The following DNAH14 variants were observed in gnomAD, a reference collection of about 807,000 sequenced individuals.
DNAH14 encodes axonemal beta dynein heavy chain 14.
DNAH14 carries 478 observed loss-of-function variants against 520.9 expected under a neutral mutation model. That is an observed-to-expected ratio of 0.92 (90% CI 0.85 to 0.99). The LOEUF is 0.99. DNAH14 is among the 50% of genes least tolerant of loss of function. The pLI is 0.00. For synonymous variants in DNAH14, 1,581 were observed against 1,757.2 expected (o/e 0.90, Z 2.51); for missense variants, 4,831 against 5,234.5 (o/e 0.92, Z 2.38).
intron 9 of DNAH14, among the ~76,000 whole-genome samples, chr1:225,006,153 C>G (rs1385752315): frequency 6.6e-6 from 1 of 152,148 alleles, no homozygotes; most frequent in South Asian, 2.1e-4. Flanking sequence ...CTTCCCTAAT[C>G]AATACTCTTA....
intron 7 of DNAH14, 108 bp from the exon 8 acceptor site, chr1:224,973,983 G>A: frequency 1.6e-6 from 1 of 618,390 alleles, no homozygotes; most frequent in Non-Finnish European, 2.4e-6. Context: ...CAGGATGAAT[G>A]AAATATGTTC....
chr1:224,976,008 T>A (rs576130060), intron 8 of DNAH14, among the ~76,000 whole-genome samples: 4 of 151,992 alleles, frequency 2.6e-5, no homozygotes, highest in Non-Finnish European at 5.9e-5. Flanking sequence ...AGGAGCAGGT[T>A]GTTCAGTTTC....
At chr1:224,991,086 T>C (rs1233767126) in intron 8 of DNAH14, among the ~76,000 whole-genome samples, 3 of 85,674 alleles carry the variant, frequency 3.5e-5, no homozygotes, top group Non-Finnish European at 5.9e-5. Flanking sequence ...ATGTTGAGCT[T>C]TTTTTTTTTT....
intron 10 of DNAH14, among the ~76,000 whole-genome samples, chr1:225,008,359 A>G (rs930859824): frequency 6.6e-6 from 1 of 152,068 alleles, no homozygotes; most frequent in Non-Finnish European, 1.5e-5. Context: ...AGTATTTGCT[A>G]TTGTGAATAG....
At chr1:225,080,059 T>G (rs1349235272) in intron 18 of DNAH14, among the ~76,000 whole-genome samples, 2 of 152,146 alleles carry the variant, frequency 1.3e-5, no homozygotes, top group African/African-American at 2.4e-5. Context: ...ATTTCTATTT[T>G]CACTAATTTC....
At chr1:225,240,140 T>A (rs1403887297) in intron 42 of DNAH14, among the ~76,000 whole-genome samples, 2 of 152,078 alleles carry the variant, frequency 1.3e-5, no homozygotes, top group Non-Finnish European at 2.9e-5. Flanking sequence ...CCACATAAAA[T>A]TAAGAATTAT....
At chr1:225,199,993 A>G (rs10915796) in intron 38 of DNAH14, among the ~76,000 whole-genome samples, 23,411 of 151,034 alleles carry the variant, frequency 0.16, 2,108 homozygotes, top group East Asian at 0.36. Flanking sequence ...ATTTGTAATC[A>G]TTTTATAAAT....
intron 30 of DNAH14, 42 bp from the exon 31 acceptor site, chr1:225,147,061 AT>A (rs2080015559): frequency 7.0e-7 from 1 of 1,424,696 alleles, no homozygotes; most frequent in Non-Finnish European, 9.4e-7. Context: ...TTTTCTCACC[AT>A]TATAATAATT....
In DNAH14 at chr1:225,229,728, T is replaced by C. The variant is rs148411585; in HGVS notation, c.6440-1345T>C. On this transcript the variant is annotated intron_variant, in intron 41 of 85. Transcript: ENST00000682510. The stretch of plus-strand genomic sequence containing the variant: ...GCTGGAGTTGAACAATGAGAACATA[T>C]GGGCACAAGGGGGGAACATCATACA... Among the ~76,000 whole-genome samples, 751 of 149,770 alleles carry C rather than the reference T, an allele frequency of 5.0e-3. 4 individuals are homozygous for C. The highest frequency in any genetic ancestry group is 0.017 in the African/African-American group (700 of 40,522).
At chr1:225,148,407 T>C (rs1469940601) in intron 31 of DNAH14, among the ~76,000 whole-genome samples, 10 of 142,056 alleles carry the variant, frequency 7.0e-5, no homozygotes, top group Non-Finnish European at 1.5e-4. Context: ...TTTTTTTTTT[T>C]TTTTTTTTTT....
chr1:225,340,879 C>G (rs1049682573), intron 69 of DNAH14, among the ~76,000 whole-genome samples, 178 bp downstream of exon 69: 4 of 152,164 alleles, frequency 2.6e-5, no homozygotes, highest in Non-Finnish European at 5.9e-5. Context: ...TTTGGTGTCC[C>G]TCAGTTCCAC....
chr1:225,063,444 G>A (rs541063471), intron 17 of DNAH14, among the ~76,000 whole-genome samples: 84 of 152,016 alleles, frequency 5.5e-4, no homozygotes, highest in African/African-American at 1.9e-3. Flanking sequence ...TCCATTTGTG[G>A]TTGGTTGAAT....
At chr1:225,398,212 C>T (rs12041664) in intron 84 of DNAH14, 2 of 268,418 alleles carry the variant, frequency 7.5e-6, no homozygotes, top group East Asian at 7.6e-5. Flanking sequence ...AGCTCGGCTA[C>T]ACGATTACAA....
intron 35 of DNAH14, among the ~76,000 whole-genome samples, chr1:225,161,398 T>G (rs924120998): frequency 1.3e-5 from 2 of 152,220 alleles, no homozygotes; most frequent in African/African-American, 4.8e-5. Context: ...GTACCACATT[T>G]TCTTTATCCA....
chr1:225,007,932 T>G (rs552435119), intron 10 of DNAH14, among the ~76,000 whole-genome samples: 1 of 151,424 alleles, frequency 6.6e-6, no homozygotes, highest in Non-Finnish European at 1.5e-5. Flanking sequence ...TTTTTCTTTT[T>G]TTTTTTTTAT....
Position 225,289,968 on chromosome 1 carries a change from A to ATC in DNAH14, c.8358_8359dup (p.His2787LeufsTer22), listed in dbSNP as rs1252205202. The ATC allele has an allele frequency of 1.9e-6, 3 of 1,542,748 alleles. No individual in the cohort carries two copies. The East Asian group carries it at 7.4e-5, about 38-fold the overall frequency. On this transcript the variant is annotated frameshift_variant, in exon 55 of 86. Transcript: ENST00000682510. LOFTEE classifies it high-confidence loss of function. ...ATAATAAACTATACCGAGTGCCTAT[A>ATC]TCTCACAAATGTGCCTACATCGAAT...
intron 17 of DNAH14, among the ~76,000 whole-genome samples, chr1:225,061,050 G>A (rs1334254971): frequency 1.3e-5 from 2 of 152,002 alleles, no homozygotes; most frequent in African/African-American, 2.4e-5. Context: ...TGTCAGACAG[G>A]GACATTTAAG....
At chr1:225,089,866 A>G (rs1044303710) in intron 21 of DNAH14, among the ~76,000 whole-genome samples, 2 of 152,194 alleles carry the variant, frequency 1.3e-5, no homozygotes, top group African/African-American at 4.8e-5. Flanking sequence ...TGTCCTTAAT[A>G]GTGAAAGACT....
At chr1:225,305,268 G>A (rs934220468) in intron 58 of DNAH14, among the ~76,000 whole-genome samples, 179 bp downstream of exon 58, 11 of 152,138 alleles carry the variant, frequency 7.2e-5, no homozygotes, top group Admixed American at 2.6e-4. Context: ...TTCAAAGGCC[G>A]CCCCTGTCAA....
Sources: gnomAD v4.1 joint callset for allele counts (sites outside exome capture counted in the v4.1 genomes callset) on GRCh38, gnomAD v4.1.1 for gene constraint, MANE v1.5 for transcripts, NCBI Gene and HGNC (gene_info 2026-07-23, HGNC 2026-07-21) for gene names.